RBMS3: variants seen among roughly 807,000 people sequenced by gnomAD.
RBMS3 encodes the protein RNA binding motif single stranded interacting protein 3.
Under a neutral mutation model 66.8 loss-of-function variants are expected in RBMS3, and 27 were observed. That is an observed-to-expected ratio of 0.40 (90% CI 0.30 to 0.56). The LOEUF (loss-of-function observed/expected upper bound fraction) is 0.56, where lower values mean the gene tolerates loss of function less well. Among genes scored for constraint, RBMS3 ranks in the 20% least tolerant of loss-of-function variants. RBMS3 has a pLI of 0.40. For missense variants in RBMS3, 513 were observed against 549.5 expected (o/e 0.93, Z 0.66); for synonymous variants, 188 against 183.0 (o/e 1.03, Z -0.22).
intron 4 of RBMS3, among the ~76,000 whole-genome samples, chr3:29,687,960 C>T (rs556003093): frequency 1.1e-4 from 16 of 152,216 alleles, no homozygotes; most frequent in African/African-American, 3.9e-4. Context: ...TGTCTTGCCA[C>T]AAAGGACACC....
intron 10 of RBMS3, among the ~76,000 whole-genome samples, chr3:29,917,262 A>G (rs1479120375): frequency 1.3e-5 from 2 of 152,120 alleles, no homozygotes; most frequent in African/African-American, 4.8e-5. Context: ...TAAAAATAGC[A>G]AGCAGGTGTA....
intron 3 of RBMS3, among the ~76,000 whole-genome samples, chr3:29,490,972 G>A (rs1007912256): frequency 3.3e-5 from 5 of 152,114 alleles, no homozygotes; most frequent in African/African-American, 9.7e-5. Flanking sequence ...ACTCATAACC[G>A]GAGCGGTCAA....
At chr3:29,829,257 C>G (rs2058299097) in intron 6 of RBMS3, among the ~76,000 whole-genome samples, 1 of 152,066 alleles carries the variant, frequency 6.6e-6, no homozygotes. Flanking sequence ...ATTGGTCAGG[C>G]TGGTCTTGAA....
intron 12 of RBMS3, among the ~76,000 whole-genome samples, chr3:29,958,994 G>A (rs546137827): frequency 9.9e-5 from 15 of 152,236 alleles, no homozygotes; most frequent in African/African-American, 3.4e-4. Flanking sequence ...TTCCTGAATG[G>A]CCAGACATAA....
chr3:29,830,645 G>A (rs2058347900), intron 6 of RBMS3, among the ~76,000 whole-genome samples: 1 of 152,044 alleles, frequency 6.6e-6, no homozygotes, highest in African/African-American at 2.4e-5. Context: ...AAAAACCATG[G>A]TTTTTTGACT....
chr3:29,574,617 T>C (rs547218124), intron 3 of RBMS3, among the ~76,000 whole-genome samples: 2 of 152,228 alleles, frequency 1.3e-5, no homozygotes, highest in East Asian at 3.9e-4. Flanking sequence ...TTTCTGGTTG[T>C]TTTGTAGTCT....
At chr3:29,579,437 C>T (rs1269086609) in intron 3 of RBMS3, among the ~76,000 whole-genome samples, 3 of 152,114 alleles carry the variant, frequency 2.0e-5, no homozygotes, top group Non-Finnish European at 4.4e-5. Context: ...TTGTTCTACC[C>T]ATCTGTAAGT....
rs551432801 is a variant in RBMS3 at position 29,810,477 on chromosome 3, A to ACATATAAACACACGTC, written c.637+47490_637+47491insTATAAACACACGTCCA. On this transcript the variant is annotated intron_variant, in intron 6 of 14. Coordinates refer to ENST00000383767, the MANE Select transcript of RBMS3 (RefSeq NM_001003793.3). ...TTCAAATGCACATATAAACACACGT[A>ACATATAAACACACGTC]CACATATGCATATGTGTGCATAGAA... Among the ~76,000 whole-genome samples, 124 of 152,312 alleles carry ACATATAAACACACGTC rather than the reference A, an allele frequency of 8.1e-4. 1 individual carries two copies. Among genetic ancestry groups the ACATATAAACACACGTC allele is most frequent in the African/African-American group, 2.9e-3 (120 of 41,578 alleles).
At chr3:29,400,872 A>G (rs778673966) in intron 1 of RBMS3, among the ~76,000 whole-genome samples, 9 of 152,098 alleles carry the variant, frequency 5.9e-5, no homozygotes, top group Non-Finnish European at 1.0e-4. Flanking sequence ...TTGCCTGAGT[A>G]TGTAGGATAG....
At chr3:29,844,564 T>C (rs1258718047) in intron 6 of RBMS3, among the ~76,000 whole-genome samples, 1 of 152,234 alleles carries the variant, frequency 6.6e-6, no homozygotes, top group Non-Finnish European at 1.5e-5. Context: ...ATGATTAATA[T>C]TGCCACTGAA....
chr3:29,401,069 G>A (rs911785521), intron 1 of RBMS3, among the ~76,000 whole-genome samples: 8 of 151,992 alleles, frequency 5.3e-5, no homozygotes, highest in Non-Finnish European at 1.2e-4. Flanking sequence ...GGGAGAGCAC[G>A]ATACAATAAC....
At chr3:29,660,041 A>G (rs992749428) in intron 4 of RBMS3, among the ~76,000 whole-genome samples, 2 of 151,630 alleles carry the variant, frequency 1.3e-5, no homozygotes, top group African/African-American at 2.4e-5. Flanking sequence ...CAAGACTTTC[A>G]CCTCCTTGGT....
intron 3 of RBMS3, among the ~76,000 whole-genome samples, chr3:29,540,132 T>G (rs1443877276): frequency 6.6e-6 from 1 of 152,202 alleles, no homozygotes; most frequent in Non-Finnish European, 1.5e-5. Context: ...TTAACTACCA[T>G]GCACTTAAGT....
intron 6 of RBMS3, among the ~76,000 whole-genome samples, chr3:29,848,313 C>G (rs1383823917): frequency 5.9e-5 from 9 of 152,192 alleles, no homozygotes; most frequent in Admixed American, 2.0e-4. Flanking sequence ...GCTGTATGAA[C>G]TATGCCATTT....
At chr3:29,478,105 T>G (rs1333531363) in intron 2 of RBMS3, among the ~76,000 whole-genome samples, 3 of 152,114 alleles carry the variant, frequency 2.0e-5, no homozygotes, top group African/African-American at 7.2e-5. Context: ...TGAAACTAAG[T>G]GACCCATGCC....
rs555664771 is a variant in RBMS3, at chr3:29,720,184, G to A, written c.400-19536G>A. 1.4e-3 allele frequency among the ~76,000 whole-genome samples: 213 copies of A among 152,166 alleles called. 1 individual carries two copies. The highest frequency in any genetic ancestry group is 4.8e-3 in the African/African-American group (199 of 41,526). On this transcript the variant is annotated intron_variant, in intron 4 of 14. Coordinates refer to ENST00000383767, the MANE Select transcript of RBMS3 (RefSeq NM_001003793.3). ...GGAAGCTCTTTTTTGCCTGAGAAAC[G>A]TGGCCTTTTCACCTTCCTTGAAAAT...
At chr3:29,551,466 G>A (rs2046176162) in intron 3 of RBMS3, among the ~76,000 whole-genome samples, 1 of 152,110 alleles carries the variant, frequency 6.6e-6, no homozygotes, top group South Asian at 2.1e-4. Flanking sequence ...CTTGTCAGAT[G>A]AACAAATCTG....
rs1699816489 is a variant in RBMS3 at position 30,006,888 on chromosome 3, TA to T, written c.*3027del. The T allele has an allele frequency of 6.6e-6, 1 of 152,032 alleles. No individual in the cohort carries two copies. Among genetic ancestry groups the T allele is most frequent in the South Asian group, 2.1e-4 (1 of 4,834 alleles). 9.4% of individuals were successfully genotyped at this position (152,032 alleles called of 1,614,324 possible). A position where few individuals can be genotyped will look rare whatever the true frequency, so the allele number is the denominator to read the frequency against. On this transcript the variant is annotated 3_prime_UTR_variant, in exon 15 of 15. Transcript: ENST00000383767. ...GCTGCTTTATTTGTACATTCAGAAATATTTTTTTCAACTATGAAATTTCAAT... is the reference window on the plus strand; with the variant it reads ...GCTGCTTTATTTGTACATTCAGAAATTTTTTTTCAACTATGAAATTTCAAT...
chr3:29,443,158 T>G (rs1216677054), intron 2 of RBMS3, among the ~76,000 whole-genome samples: 1 of 152,112 alleles, frequency 6.6e-6, no homozygotes, highest in Non-Finnish European at 1.5e-5. Flanking sequence ...CCCACTATTC[T>G]CTATGTGAAT....
Sources: gnomAD v4.1 joint callset for allele counts (sites outside exome capture counted in the v4.1 genomes callset) on GRCh38, gnomAD v4.1.1 for gene constraint, MANE v1.5 for transcripts, NCBI Gene and HGNC (gene_info 2026-07-23, HGNC 2026-07-21) for gene names.